Variants in PACRG observed in about 807,000 individuals in gnomAD.
The protein encoded by PACRG is parkin coregulated gene protein.
Under a neutral mutation model 29.7 loss-of-function variants are expected in PACRG, and 29 were observed. The observed-to-expected ratio is 0.98, with a 90% CI of 0.73 to 1.33. The LOEUF is 1.33. Ranked by LOEUF, PACRG falls within the 40% of genes most tolerant of loss-of-function variation. The pLI is 0.00. For synonymous variants in PACRG, 116 were observed against 118.7 expected (o/e 0.98, Z 0.15); for missense variants, 279 against 316.2 (o/e 0.88, Z 0.89).
chr6:162,817,615 T>C (rs1238480217), intron 2 of PACRG, among the ~76,000 whole-genome samples: 2 of 152,212 alleles, frequency 1.3e-5, no homozygotes, highest in Admixed American at 6.5e-5. Context: ...ATTAAGCACT[T>C]GAAATGTGCC....
At chr6:162,799,976 T>G (rs1257955199) in intron 1 of PACRG, among the ~76,000 whole-genome samples, 1 of 152,210 alleles carries the variant, frequency 6.6e-6, no homozygotes, top group Admixed American at 6.5e-5. Flanking sequence ...TATATTCTCC[T>G]TTCACATTTG....
chr6:162,792,833 C>G (rs972593053), intron 1 of PACRG, among the ~76,000 whole-genome samples: 1 of 152,078 alleles, frequency 6.6e-6, no homozygotes, highest in Admixed American at 6.5e-5. Flanking sequence ...GATGAGGTGG[C>G]AGAGATGATT....
chr6:162,909,344 A>G (rs527489666), intron 2 of PACRG, among the ~76,000 whole-genome samples: 145 of 152,134 alleles, frequency 9.5e-4, no homozygotes, highest in Non-Finnish European at 1.5e-3. Flanking sequence ...TCAAGAGGTC[A>G]GGAGATCGAG....
intron 4 of PACRG, among the ~76,000 whole-genome samples, chr6:163,202,195 C>T (rs953823996): frequency 2.6e-5 from 4 of 152,072 alleles, no homozygotes; most frequent in East Asian, 1.9e-4. Flanking sequence ...CTGGTGCTTC[C>T]GTGTCCACTG....
chr6:163,080,442 G>A (rs1812977784), intron 3 of PACRG, among the ~76,000 whole-genome samples: 3 of 151,892 alleles, frequency 2.0e-5, no homozygotes, highest in African/African-American at 4.9e-5. Context: ...TCATACGTGT[G>A]TAAGCAAGTG....
intron 2 of PACRG, among the ~76,000 whole-genome samples, chr6:163,035,822 A>AC (rs1450567753): frequency 4.6e-5 from 7 of 151,096 alleles, no homozygotes; most frequent in Admixed American, 6.6e-5. Context: ...CAAAAAAAAA[A>AC]AAAAAAAAAA....
chr6:163,023,064 G>C (rs115182038), intron 2 of PACRG, among the ~76,000 whole-genome samples: 1,947 of 152,172 alleles, frequency 0.013, 49 homozygotes, highest in African/African-American at 0.044. Context: ...CTTTTCTTGG[G>C]CAATTGTCTT....
At chr6:162,769,051 C>T (rs1451411003) in intron 1 of PACRG, among the ~76,000 whole-genome samples, 1 of 152,124 alleles carries the variant, frequency 6.6e-6, no homozygotes, top group Non-Finnish European at 1.5e-5. Flanking sequence ...TGAGGGCTCC[C>T]TTTTCCCACC....
At chr6:163,030,468 A>G (rs1205542552) in intron 2 of PACRG, among the ~76,000 whole-genome samples, 1 of 152,136 alleles carries the variant, frequency 6.6e-6, no homozygotes, top group Non-Finnish European at 1.5e-5. Flanking sequence ...ATCAGCAGCT[A>G]CCGCTCATCA....
chr6:163,194,781 C>T (rs1780370538), intron 4 of PACRG, among the ~76,000 whole-genome samples: 1 of 152,130 alleles, frequency 6.6e-6, no homozygotes, highest in African/African-American at 2.4e-5. Context: ...CCTACTGGGC[C>T]ACAGGAATGG....
intron 4 of PACRG, among the ~76,000 whole-genome samples, chr6:163,166,491 G>T (rs1269126380): frequency 6.6e-6 from 1 of 152,126 alleles, no homozygotes; most frequent in African/African-American, 2.4e-5. Flanking sequence ...TTATTTACAT[G>T]GCGTGCACAA....
At chr6:162,861,049 T>TGGACAAGGA (rs113693588) in intron 2 of PACRG, among the ~76,000 whole-genome samples, 2,818 of 152,238 alleles carry the variant, frequency 0.019, 73 homozygotes, top group African/African-American at 0.063. Context: ...AGAAAAACAA[T>TGGACAAGGA]GGACAAGGAG....
At chr6:163,061,107 G>A (rs924164636) in intron 2 of PACRG, among the ~76,000 whole-genome samples, 12 of 152,100 alleles carry the variant, frequency 7.9e-5, no homozygotes. Flanking sequence ...TTAGAAGGTG[G>A]TAACTAGAAG....
intron 4 of PACRG, among the ~76,000 whole-genome samples, chr6:163,283,147 G>A (rs115189974): frequency 0.011 from 1,698 of 152,226 alleles, 34 homozygotes; most frequent in African/African-American, 0.039. Context: ...AATTTAAAGG[G>A]TATCTGTAAT....
intron 4 of PACRG, among the ~76,000 whole-genome samples, chr6:163,300,270 G>T (rs1034515951): frequency 6.6e-6 from 1 of 152,226 alleles, no homozygotes; most frequent in Non-Finnish European, 1.5e-5. Context: ...TGCAGATGAC[G>T]TTGAATTTGG....
At chr6:163,086,506 G>A (rs1260425995) in intron 3 of PACRG, among the ~76,000 whole-genome samples, 1 of 152,132 alleles carries the variant, frequency 6.6e-6, no homozygotes, top group Non-Finnish European at 1.5e-5. Context: ...AGTGAAGGCT[G>A]AGCCGTCTCT....
chr6:163,067,918 A>G (rs569263453), intron 3 of PACRG, among the ~76,000 whole-genome samples: 1 of 152,230 alleles, frequency 6.6e-6, no homozygotes, highest in African/African-American at 2.4e-5. Context: ...TGATTTTTAT[A>G]TACTTCCTAA....
chr6:163,220,449 T>C (rs997088032), intron 4 of PACRG, among the ~76,000 whole-genome samples: 6 of 152,038 alleles, frequency 3.9e-5, no homozygotes, highest in African/African-American at 1.5e-4. Flanking sequence ...CTCTCCATAG[T>C]AGACCTGAGA....
At chr6:163,212,427 A>G (rs913198985) in intron 4 of PACRG, among the ~76,000 whole-genome samples, 2 of 152,150 alleles carry the variant, frequency 1.3e-5, no homozygotes, top group African/African-American at 2.4e-5. Context: ...GAAATGGCCA[A>G]TTCCAGAACT....
Sources: allele counts gnomAD v4.1 joint callset (sites outside exome capture counted in the v4.1 genomes callset), GRCh38; gene constraint gnomAD v4.1.1; transcripts MANE v1.5; gene names NCBI Gene and HGNC (gene_info 2026-07-23, HGNC 2026-07-21).